The following KANSL1 variants were observed in gnomAD, a reference collection of about 807,000 sequenced individuals.
The protein encoded by KANSL1 is MLL1/MLL complex subunit KANSL1.
In KANSL1, 22 loss-of-function variants were observed where a neutral mutation model predicts 103.6. That is an observed-to-expected ratio of 0.21 (90% CI 0.15 to 0.30). The LOEUF (loss-of-function observed/expected upper bound fraction) is 0.30, where lower values mean the gene tolerates loss of function less well. KANSL1 is among the 10% of genes least tolerant of loss of function. The pLI, the probability that KANSL1 is intolerant of heterozygous loss-of-function variation, is 1.00. For missense variants in KANSL1, 1,337 were observed against 1,399.8 expected (o/e 0.96, Z 0.72); for synonymous variants, 600 against 527.6 (o/e 1.14, Z -1.88).
intron 1 of KANSL1, among the ~76,000 whole-genome samples, chr17:46,207,585 TA>T (rs1263330788): frequency 8.1e-5 from 12 of 148,862 alleles, no homozygotes; most frequent in Non-Finnish European, 4.5e-5. Flanking sequence ...AGACCTAGCC[TA>T]AAAAACAATA....
Position 46,033,175 on chromosome 17 carries a change from G to A in KANSL1, c.2742C>T (p.Asp914=), listed in dbSNP as rs35833914. The A allele has an allele frequency of 0.19, 299,746 of 1,596,188 alleles. 32,354 individuals are homozygous for A. The highest frequency in any genetic ancestry group is 0.22 in the Non-Finnish European group (257,441 of 1,168,566). ...TGGCATGCAGGGCGGCGAAGGCTGC[G>A]TCGGATAGGTCCTCAATCTGCAATA... ...EENEEIEDLS[D]AAFAALHAKC... The change falls in exon 13 of 15, where the codon GAC becomes GAT. Residue 914 remains aspartate, a synonymous_variant. Coordinates refer to ENST00000432791, the MANE Select transcript of KANSL1 (RefSeq NM_015443.4).
chr17:46,213,825 C>G (rs957687072), intron 1 of KANSL1, among the ~76,000 whole-genome samples: 2 of 151,696 alleles, frequency 1.3e-5, no homozygotes, highest in East Asian at 3.9e-4. Context: ...GGCTGAGGAA[C>G]GAGGATTGCT....
At chr17:46,197,864 G>T (rs2732663), upstream of KANSL1, among the ~76,000 whole-genome samples, 18,572 of 150,248 alleles carry the variant, frequency 0.12, 24 homozygotes, top group Middle Eastern at 0.2. Context: ...CCCTGCCACA[G>T]ACCTTCTAAA....
intron 6 of KANSL1, among the ~76,000 whole-genome samples, chr17:46,061,808 T>C (rs529222993): frequency 2.6e-5 from 4 of 152,206 alleles, no homozygotes; most frequent in South Asian, 4.2e-4. Context: ...TAGTTACAGA[T>C]TGGCCGGGCG....
chr17:46,110,851 T>C (rs1332845780), intron 2 of KANSL1, among the ~76,000 whole-genome samples: 4 of 152,094 alleles, frequency 2.6e-5, no homozygotes, highest in African/African-American at 9.7e-5. Flanking sequence ...TGAATAAAAA[T>C]GCACAGTCAG....
chr17:46,031,813 G>T, intron 14 of KANSL1, 110 bp from the exon 15 acceptor site: 2 of 1,121,654 alleles, frequency 1.8e-6, no homozygotes, highest in Non-Finnish European at 2.6e-6. Context: ...AGTCTATCTA[G>T]TGTTCCTGCG....
rs371872713 is a variant in KANSL1 at position 46,180,220 on chromosome 17, GCA to G, written c.-89-7990_-89-7989del. Among the ~76,000 whole-genome samples the G allele has an allele frequency of 8.5e-5, 13 of 152,246 alleles. No homozygotes were observed. The East Asian group carries it at 1.4e-3, about 16-fold the overall frequency. On this transcript the variant is annotated intron_variant, in intron 1 of 14. Transcript: ENST00000432791. ...GACTTAAAGACAGTAGAGGGGCCAG[GCA>G]CAGTGGCTCACGCCTGCAATCCCCG...
chr17:46,073,744 G>A (rs1337625473), intron 4 of KANSL1, among the ~76,000 whole-genome samples: 1 of 152,110 alleles, frequency 6.6e-6, no homozygotes, highest in African/African-American at 2.4e-5. Context: ...TTGGTGGAAG[G>A]AAATAACTAA....
chr17:46,030,078 C>G lies in KANSL1; in HGVS notation c.*1398G>C, dbSNP rs1190590475. On this transcript the variant is annotated 3_prime_UTR_variant, in exon 15 of 15. Coordinates refer to ENST00000432791, the MANE Select transcript of KANSL1 (RefSeq NM_015443.4). ...ACAGCTACATGTTTCGCTGCCATTA[C>G]ACAGCTCCAAAGCAGGAAAAGAAAA... 1.3e-5 allele frequency: 2 copies of G among 151,714 alleles called. No homozygotes were observed. The highest frequency in any genetic ancestry group is 4.9e-5 in the African/African-American group (2 of 41,138). The allele number at this position is 151,714 out of a possible 1,614,324, so 9.4% of individuals were successfully genotyped here.
intron 2 of KANSL1, among the ~76,000 whole-genome samples, chr17:46,157,894 T>C (rs1277854923): frequency 2.0e-5 from 3 of 152,224 alleles, no homozygotes; most frequent in Admixed American, 6.5e-5. Flanking sequence ...CAAAGAATAC[T>C]TGCTGGAAAA....
rs2079024895 is a variant in KANSL1 at position 46,082,559 on chromosome 17, A to AG, written c.1432-18dup. 2 of 1,426,958 alleles carry AG rather than the reference A, an allele frequency of 1.4e-6. No homozygotes were observed. The highest frequency in any genetic ancestry group is 2.8e-5 in the African/African-American group (2 of 70,932). The allele number at this position is 1,426,958 out of a possible 1,614,324, so 88.4% of individuals were successfully genotyped here. On this transcript the variant is annotated splice_polypyrimidine_tract_variant and intron_variant, in intron 3 of 14. Transcript: ENST00000432791. Reference sequence around the variant, plus strand: ...TATCAACCCCTGCAGGATAGAGAGGAGAAAAATAGCATAAGTGAGCAGTAT... The same window carrying AG: ...TATCAACCCCTGCAGGATAGAGAGGAGGAAAAATAGCATAAGTGAGCAGTAT...
At chr17:46,168,413 T>C (rs2046114399) in intron 2 of KANSL1, among the ~76,000 whole-genome samples, 1 of 152,068 alleles carries the variant, frequency 6.6e-6, no homozygotes, top group South Asian at 2.1e-4. Context: ...AATGGTGCGA[T>C]CTCAGCTCAC....
chr17:46,177,633 ATTCTT>A (rs1417442676), intron 1 of KANSL1, among the ~76,000 whole-genome samples: 1 of 152,200 alleles, frequency 6.6e-6, no homozygotes, highest in Non-Finnish European at 1.5e-5. Context: ...ATTGGTTAAG[ATTCTT>A]TTGTCTTTTG....
chr17:46,220,044 A>C (rs2048474885), intron 1 of KANSL1, among the ~76,000 whole-genome samples: 1 of 151,954 alleles, frequency 6.6e-6, no homozygotes, highest in Non-Finnish European at 1.5e-5. Flanking sequence ...CACAGTTTGC[A>C]GTGAGCCGAG....
chr17:46,157,064 C>T (rs1167296025), intron 2 of KANSL1, among the ~76,000 whole-genome samples: 1 of 152,240 alleles, frequency 6.6e-6, no homozygotes, highest in Non-Finnish European at 1.5e-5. Flanking sequence ...TCCTGAAAGG[C>T]TAGTCTCCAA....
chr17:46,067,721 C>T lies in KANSL1; in HGVS notation c.1534-54G>A. 9 of 876,028 alleles carry T rather than the reference C, an allele frequency of 1.0e-5. No individual in the cohort carries two copies. The South Asian group carries it at 1.2e-4, about 12-fold the overall frequency. The allele number at this position is 876,028 out of a possible 1,614,324, so 54.3% of individuals were successfully genotyped here. A position where few individuals can be genotyped will look rare whatever the true frequency, so the allele number is the denominator to read the frequency against. On this transcript the variant is annotated intron_variant, in intron 4 of 14. Coordinates refer to ENST00000432791, the MANE Select transcript of KANSL1 (RefSeq NM_015443.4). ...AACATGTACCCAAGCGCACCCCTGC[C>T]TGAAAAGCACCACCACTTCATTTGC...
At chr17:46,086,558 C>T (rs546792072) in intron 3 of KANSL1, among the ~76,000 whole-genome samples, 2 of 152,196 alleles carry the variant, frequency 1.3e-5, no homozygotes, top group Non-Finnish European at 1.5e-5. Flanking sequence ...TCTAATACTG[C>T]GGCAAAGAAA....
At chr17:46,190,340 G>A (rs1444887708) in intron 1 of KANSL1, among the ~76,000 whole-genome samples, 2 of 152,240 alleles carry the variant, frequency 1.3e-5, no homozygotes, top group Non-Finnish European at 2.9e-5. Context: ...GTGCTCTGCA[G>A]GTTTAACCAG....
intron 2 of KANSL1, among the ~76,000 whole-genome samples, chr17:46,162,020 C>A (rs1207319500): frequency 6.6e-6 from 1 of 152,236 alleles, no homozygotes; most frequent in Admixed American, 6.5e-5. Context: ...AATATAAAAT[C>A]AAACAGGACA....
Sources: gnomAD v4.1 joint callset for allele counts (sites outside exome capture counted in the v4.1 genomes callset) on GRCh38, gnomAD v4.1.1 for gene constraint, MANE v1.5 for transcripts, NCBI Gene and HGNC (gene_info 2026-07-23, HGNC 2026-07-21) for gene names.